HEG1: variants seen among roughly 807,000 people sequenced by gnomAD.
HEG1 encodes heart development protein with EGF like domains 1, also known as protein HEG homolog 1.
In HEG1, 56 loss-of-function variants were observed where a neutral mutation model predicts 125.6. The ratio of observed to expected loss-of-function variants is 0.45; its 90% CI spans 0.36 to 0.56. The LOEUF (loss-of-function observed/expected upper bound fraction) is 0.56, where lower values mean the gene tolerates loss of function less well. HEG1 is among the 20% of genes least tolerant of loss of function. The pLI is 0.00. For missense variants in HEG1, 1,523 were observed against 1,670.0 expected, an observed-to-expected ratio of 0.91 and a Z score of 1.53; for synonymous variants, 644 against 668.5, an observed-to-expected ratio of 0.96 and a Z score of 0.57.
At position 125,010,874 on chromosome 3, in the gene HEG1, C is replaced by G. The variant is rs146175371; in HGVS notation, c.2957-319G>C. 8.5e-4 allele frequency among the ~76,000 whole-genome samples: 130 copies of G among 152,288 alleles called. 1 individual carries two copies. The highest frequency in any genetic ancestry group is 3.0e-3 in the African/African-American group (124 of 41,562). The stretch of plus-strand genomic sequence containing the variant: ...TGCCTTTGTGACACTTAAGAAAATT[C>G]TACTTGAATCAATGCCAATTGAAAG... On this transcript the variant is annotated intron_variant, in intron 6 of 16. Transcript: ENST00000311127.
chr3:124,984,955 C>A (rs746158759), intron 14 of HEG1, among the ~76,000 whole-genome samples: 3 of 152,084 alleles, frequency 2.0e-5, no homozygotes, highest in Non-Finnish European at 4.4e-5. Flanking sequence ...TATAAAATTA[C>A]GTAAGTGAAA....
At chr3:125,006,153 G>A (rs766257862) in intron 8 of HEG1, among the ~76,000 whole-genome samples, 1 of 152,156 alleles carries the variant, frequency 6.6e-6, no homozygotes, top group South Asian at 2.1e-4. Flanking sequence ...AGCATGTGTC[G>A]TGGGGCTATA....
At chr3:124,975,323 A>G (rs1936515367) in intron 15 of HEG1, among the ~76,000 whole-genome samples, 2 of 152,202 alleles carry the variant, frequency 1.3e-5, no homozygotes, top group Non-Finnish European at 2.9e-5. Context: ...CATTATTATC[A>G]TCTAAGTCAG....
Position 125,012,866 on chromosome 3 carries a change from G to T in HEG1, c.2713C>A (p.Arg905=), listed in dbSNP as rs769981908. The T allele has an allele frequency of 1.9e-6, 3 of 1,613,882 alleles. No homozygotes were observed. Among genetic ancestry groups the T allele is most frequent in the Non-Finnish European group, 2.5e-6 (3 of 1,179,888 alleles). ...CCAGTGGTAGCATCCACAATCACTC[G>T]GTTCCTTTCTGTGCTGATGCCACCT... The part of the protein sequence containing the change: ...TEGGISTERN[R]VIVDATTGLI... Residue 905 remains arginine, a synonymous_variant, in exon 6 of 17, where the codon CGA becomes AGA. Coordinates refer to ENST00000311127, the MANE Select transcript of HEG1 (RefSeq NM_020733.2).
intron 5 of HEG1, chr3:125,015,151 C>T (rs1365411812): frequency 6.5e-6 from 3 of 458,020 alleles, no homozygotes; most frequent in African/African-American, 4.1e-5. Context: ...ATGTCTGTTG[C>T]CCTTGCAAAC....
intron 14 of HEG1, among the ~76,000 whole-genome samples, chr3:124,985,030 T>C (rs1330907688): frequency 1.3e-5 from 2 of 152,198 alleles, no homozygotes; most frequent in Non-Finnish European, 2.9e-5. Context: ...AGATCCAATT[T>C]CTGTTAAAAA....
chr3:124,970,468 C>A lies in HEG1; in HGVS notation c.*184G>T. On this transcript the variant is annotated 3_prime_UTR_variant, in exon 17 of 17. Coordinates refer to ENST00000311127, the MANE Select transcript of HEG1 (RefSeq NM_020733.2). ...AGTAACAACAAAGGTGCTGAATGAG[C>A]AGCCTGTGGTTCCACATCCACCTGT... is the stretch of plus-strand genomic sequence containing the variant. The A allele has an allele frequency of 5.1e-6, 3 of 585,700 alleles. No individual in the cohort carries two copies. Among genetic ancestry groups the A allele is most frequent in the Non-Finnish European group, 9.1e-6 (3 of 328,790 alleles). The allele number at this position is 585,700 out of a possible 1,614,324, so 36.3% of individuals were successfully genotyped here.
Position 124,973,914 on chromosome 3 carries a change from T to C in HEG1, c.3822-9A>G, listed in dbSNP as rs760943496. On this transcript the variant is annotated splice_polypyrimidine_tract_variant and intron_variant, in intron 15 of 16. Coordinates refer to ENST00000311127, the MANE Select transcript of HEG1 (RefSeq NM_020733.2). ...TGTCATTTTTATTCTTTCTGTGGGA[T>C]ACAAAAATATTTGTAAAGCTCAATT... The C allele has an allele frequency of 3.1e-6, 5 of 1,594,458 alleles. No homozygotes were observed. Among genetic ancestry groups the C allele is most frequent in the Non-Finnish European group, 4.3e-6 (5 of 1,165,052 alleles).
At chr3:125,036,642 T>C (rs2981538) in intron 1 of HEG1, among the ~76,000 whole-genome samples, 77,199 of 152,028 alleles carry the variant, frequency 0.51, 19,880 homozygotes, top group Middle Eastern at 0.64. Context: ...ATGTACCCCT[T>C]GTAGACAAAG....
intron 1 of HEG1, among the ~76,000 whole-genome samples, chr3:125,052,232 G>A (rs1415116802): frequency 6.6e-6 from 1 of 151,246 alleles, no homozygotes; most frequent in African/African-American, 2.4e-5. Context: ...CCAGGAGTGA[G>A]GTAGCCGCCT....
Position 124,967,418 on chromosome 3 carries a change from A to G in HEG1, c.*3234T>C, listed in dbSNP as rs144064093. The G allele has an allele frequency of 6.6e-6, 1 of 152,196 alleles. No homozygotes were observed. Among genetic ancestry groups the G allele is most frequent in the Non-Finnish European group, 1.5e-5 (1 of 68,030 alleles). 9.4% of individuals were successfully genotyped at this position (152,196 alleles called of 1,614,324 possible). ...ACAAGTGTCTAAGAATTACATATAA[A>G]AAACAATCTGAAAGCACATTTTCAA... is the stretch of plus-strand genomic sequence containing the variant. On this transcript the variant is annotated 3_prime_UTR_variant, in exon 17 of 17. Transcript: ENST00000311127.
intron 1 of HEG1, 44 bp downstream of exon 1, chr3:125,055,531 C>T (rs1205656629): frequency 3.4e-6 from 4 of 1,161,606 alleles, no homozygotes; most frequent in African/African-American, 3.2e-5. Context: ...GCCCACGCCC[C>T]CAGCACAGAC....
chr3:125,027,540 C>G (rs996879595), intron 2 of HEG1, 33 bp from the exon 3 acceptor site: 1 of 1,539,374 alleles, frequency 6.5e-7, no homozygotes, highest in Non-Finnish European at 8.8e-7. Flanking sequence ...AGAATTCCAC[C>G]AGCAGACTTC....
chr3:125,048,394 A>C (rs1402936310), intron 1 of HEG1, among the ~76,000 whole-genome samples: 1 of 152,160 alleles, frequency 6.6e-6, no homozygotes, highest in East Asian at 1.9e-4. Flanking sequence ...GGTGATCCAG[A>C]CACCCTGGCC....
chr3:125,015,659 C>CT (rs1427449326), intron 5 of HEG1, among the ~76,000 whole-genome samples: 4 of 152,206 alleles, frequency 2.6e-5, no homozygotes, highest in African/African-American at 9.6e-5. Flanking sequence ...TGTGTTTATG[C>CT]TACAAACCTA....
At chr3:124,991,131 T>C in intron 12 of HEG1, 145 bp from the exon 13 acceptor site, 1 of 646,156 alleles carries the variant, frequency 1.5e-6, no homozygotes, top group Non-Finnish European at 2.7e-6. Flanking sequence ...CTCACTTAAA[T>C]ACTGTTGCCG....
intron 9 of HEG1, among the ~76,000 whole-genome samples, chr3:125,003,278 A>G (rs1011474680): frequency 8.5e-5 from 13 of 152,206 alleles, no homozygotes; most frequent in Non-Finnish European, 2.9e-5. Context: ...ATACATTGAT[A>G]CTGGGCAAAA....
intron 1 of HEG1, among the ~76,000 whole-genome samples, chr3:125,041,763 G>C (rs571086427): frequency 2.3e-4 from 35 of 152,318 alleles, no homozygotes; most frequent in African/African-American, 8.4e-4. Flanking sequence ...ATATTATTCA[G>C]CCTTCAAAAT....
intron 5 of HEG1, among the ~76,000 whole-genome samples, chr3:125,016,302 G>A (rs1013035848): frequency 1.3e-5 from 2 of 152,116 alleles, no homozygotes; most frequent in African/African-American, 4.8e-5. Flanking sequence ...GTGACTCTGA[G>A]GGAAAAAGAT....
Sources: allele counts gnomAD v4.1 joint callset (sites outside exome capture counted in the v4.1 genomes callset), GRCh38; gene constraint gnomAD v4.1.1; transcripts MANE v1.5; gene names NCBI Gene and HGNC (gene_info 2026-07-23, HGNC 2026-07-21).